Variants in CDK17 observed in about 807,000 individuals in gnomAD.
CDK17 encodes cyclin dependent kinase 17, also known as cyclin-dependent kinase 17.
A neutral mutation model predicts 77.6 loss-of-function variants in CDK17; 24 were observed. The observed-to-expected ratio is 0.31, with a 90% CI of 0.22 to 0.44. The LOEUF is 0.44. Among genes scored for constraint, CDK17 ranks in the 20% least tolerant of loss-of-function variants. CDK17 has a pLI of 1.00. For synonymous variants in CDK17, 203 were observed against 210.4 expected (o/e 0.96, Z 0.30); for missense variants, 429 against 622.5 (o/e 0.69, Z 3.31).
intron 1 of CDK17, among the ~76,000 whole-genome samples, chr12:96,391,900 T>C: frequency 6.6e-6 from 1 of 152,168 alleles, no homozygotes; most frequent in Non-Finnish European, 1.5e-5. Flanking sequence ...TTGAAACCTT[T>C]TACACTTTTT....
chr12:96,344,532 C>G (rs1953170812), intron 1 of CDK17, among the ~76,000 whole-genome samples: 1 of 152,094 alleles, frequency 6.6e-6, no homozygotes, highest in Non-Finnish European at 1.5e-5. Context: ...GACCAGGCAG[C>G]AATAGGAACG....
At chr12:96,380,118 A>G (rs1953852313) in intron 1 of CDK17, among the ~76,000 whole-genome samples, 1 of 151,154 alleles carries the variant, frequency 6.6e-6, no homozygotes, top group Non-Finnish European at 1.5e-5. Context: ...GCAGTGAGCC[A>G]TGATAGCACC....
At chr12:96,286,813 G>A in intron 11 of CDK17, 52 bp from the exon 12 acceptor site, 1 of 1,445,998 alleles carries the variant, frequency 6.9e-7, no homozygotes, top group Non-Finnish European at 9.6e-7. Flanking sequence ...ATATTATGAA[G>A]CACAAGAATC....
intron 5 of CDK17, among the ~76,000 whole-genome samples, chr12:96,308,376 A>G (rs1182219458): frequency 6.6e-6 from 1 of 151,994 alleles, no homozygotes; most frequent in Non-Finnish European, 1.5e-5. Flanking sequence ...GTGCTACTGC[A>G]TTCCAGCCTA....
intron 2 of CDK17, among the ~76,000 whole-genome samples, chr12:96,332,682 C>A (rs994558973): frequency 6.6e-6 from 1 of 152,024 alleles, no homozygotes; most frequent in African/African-American, 2.4e-5. Flanking sequence ...TCTTTGTAAC[C>A]CAAGAGGAAT....
Position 96,299,023 on chromosome 12 carries a change from TAA to T in CDK17, c.601-42_601-41del, listed in dbSNP as rs1443240460. 1.6e-5 allele frequency: 16 copies of T among 991,450 alleles called. No homozygotes were observed. In the Admixed American group the frequency reaches 1.8e-4, roughly 11 times the overall value. 61.4% of individuals were successfully genotyped at this position (991,450 alleles called of 1,614,324 possible). A position where few individuals can be genotyped will look rare whatever the true frequency, so the allele number is the denominator to read the frequency against. On this transcript the variant is annotated intron_variant, in intron 6 of 16. Transcript: ENST00000261211. ...TTTAAAGGACGCATCAAAAGTATCA[TAA>T]GAGTCTATTTAATACCATCTTATAA...
intron 1 of CDK17, chr12:96,387,121 A>G: frequency 3.3e-6 from 1 of 298,678 alleles, no homozygotes; most frequent in Non-Finnish European, 6.8e-6. Context: ...ACTGTTCCAT[A>G]GACCTGTGTT....
At chr12:96,337,817 C>T (rs1030103453) in intron 1 of CDK17, among the ~76,000 whole-genome samples, 3 of 152,136 alleles carry the variant, frequency 2.0e-5, no homozygotes, top group Admixed American at 6.5e-5. Flanking sequence ...TGTTAGGCTC[C>T]CAAATCATCC....
At chr12:96,329,510 C>T (rs1952937381) in intron 2 of CDK17, among the ~76,000 whole-genome samples, 1 of 152,142 alleles carries the variant, frequency 6.6e-6, no homozygotes, top group Non-Finnish European at 1.5e-5. Context: ...CATGCAATTT[C>T]ATAGCCCAAC....
chr12:96,355,376 GCTGT>G (rs141739895), intron 1 of CDK17, among the ~76,000 whole-genome samples: 191 of 143,478 alleles, frequency 1.3e-3, no homozygotes, highest in Admixed American at 2.0e-3. Flanking sequence ...CCACAGTCTT[GCTGT>G]CTAACATTCT....
chr12:96,322,032 C>G (rs1399290994), intron 3 of CDK17, among the ~76,000 whole-genome samples: 2 of 152,128 alleles, frequency 1.3e-5, no homozygotes, highest in African/African-American at 4.8e-5. Flanking sequence ...AGAAAGCTTA[C>G]TAATCTCAGA....
chr12:96,380,083 C>A lies in CDK17; in HGVS notation c.-30+19903G>T, dbSNP rs1323052929. Among the ~76,000 whole-genome samples, 4 of 151,202 alleles carry A rather than the reference C, an allele frequency of 2.6e-5. No homozygotes were observed. The South Asian group carries it at 8.4e-4, about 32-fold the overall frequency. ...ACTATGGAGGCTGAGGTGGGAGGATCACCTGAACCCAGGAGGTTGAGCCTG... is the reference window on the plus strand; with the variant it reads ...ACTATGGAGGCTGAGGTGGGAGGATAACCTGAACCCAGGAGGTTGAGCCTG... On this transcript the variant is annotated intron_variant, in intron 1 of 16. Coordinates refer to ENST00000261211, the MANE Select transcript of CDK17 (RefSeq NM_002595.5).
rs1224062768 is a variant in CDK17, at chr12:96,283,789, TC to T, written c.1323-145del. 7.6e-5 allele frequency: 42 copies of T among 551,834 alleles called. No homozygotes were observed. The African/African-American group carries it at 7.9e-4, about 10-fold the overall frequency. 34.2% of individuals were successfully genotyped at this position (551,834 alleles called of 1,614,324 possible). A position where few individuals can be genotyped will look rare whatever the true frequency, so the allele number is the denominator to read the frequency against. On this transcript the variant is annotated intron_variant, in intron 13 of 16. Transcript: ENST00000261211. Reference sequence around the variant, plus strand: ...CTTGTTGTCTTCAAATAGACACAAATCTGTTTTAGTCTTAAAAGACTGGCCT... The same window carrying T: ...CTTGTTGTCTTCAAATAGACACAAATTGTTTTAGTCTTAAAAGACTGGCCT...
chr12:96,367,497 T>C (rs1001303150), intron 1 of CDK17, among the ~76,000 whole-genome samples: 3 of 152,060 alleles, frequency 2.0e-5, no homozygotes, highest in Non-Finnish European at 2.9e-5. Flanking sequence ...GAATTATACT[T>C]AATGAACTAG....
At chr12:96,388,155 A>G (rs1052767354) in intron 1 of CDK17, among the ~76,000 whole-genome samples, 1 of 152,104 alleles carries the variant, frequency 6.6e-6, no homozygotes, top group African/African-American at 2.4e-5. Context: ...CAAGAGTCAT[A>G]AACAAGGAAA....
In CDK17 at chr12:96,380,524, C is replaced by T. The variant is rs557271080; in HGVS notation, c.-30+19462G>A. Reference sequence around the variant, plus strand: ...CAGACTGGTCTTGAACTCCTGACCTCGTGATCCACCCGCCTCAGCCTCCTA... The same window carrying T: ...CAGACTGGTCTTGAACTCCTGACCTTGTGATCCACCCGCCTCAGCCTCCTA... On this transcript the variant is annotated intron_variant, in intron 1 of 16. Transcript: ENST00000261211. Among the ~76,000 whole-genome samples the T allele has an allele frequency of 3.3e-5, 5 of 152,030 alleles. 1 individual carries two copies. The highest frequency in any genetic ancestry group is 3.9e-4 in the East Asian group (2 of 5,148).
rs554651965 is a variant in CDK17 at position 96,392,581 on chromosome 12, A to G, written c.-30+7405T>C. The stretch of plus-strand genomic sequence containing the variant: ...TGACTAACTGGACTAAGGGGAAATG[A>G]GCATAACAGAAAAGCGTAAGAAAGA... On this transcript the variant is annotated intron_variant, in intron 1 of 16. Coordinates refer to ENST00000261211, the MANE Select transcript of CDK17 (RefSeq NM_002595.5). 2.6e-5 allele frequency among the ~76,000 whole-genome samples: 4 copies of G among 152,340 alleles called. No homozygotes were observed. The East Asian group carries it at 7.7e-4, about 29-fold the overall frequency.
At chr12:96,331,074 G>A (rs568871768) in intron 2 of CDK17, among the ~76,000 whole-genome samples, 61 of 152,268 alleles carry the variant, frequency 4.0e-4, no homozygotes, top group African/African-American at 1.4e-3. Context: ...CTGAGCAGGT[G>A]GGGGACTACA....
intron 1 of CDK17, among the ~76,000 whole-genome samples, chr12:96,352,971 C>T (rs1953333098): frequency 6.6e-6 from 1 of 151,974 alleles, no homozygotes; most frequent in South Asian, 2.1e-4. Flanking sequence ...AGAATTCATA[C>T]AACATAGAAA....
Sources: allele counts gnomAD v4.1 joint callset (sites outside exome capture counted in the v4.1 genomes callset), GRCh38; gene constraint gnomAD v4.1.1; transcripts MANE v1.5; gene names NCBI Gene and HGNC (gene_info 2026-07-23, HGNC 2026-07-21).